NOS1: variants seen among roughly 807,000 people sequenced by gnomAD.
NOS1 encodes nitric oxide synthase 1.
Under a neutral mutation model 164.5 loss-of-function variants are expected in NOS1, and 51 were observed. That is an observed-to-expected ratio of 0.31 (90% CI 0.25 to 0.39). NOS1 has a LOEUF of 0.39. NOS1 is among the 10% of genes least tolerant of loss of function. The pLI is 1.00. For synonymous variants in NOS1, 719 were observed against 745.8 expected (o/e 0.96, Z 0.59); for missense variants, 1,362 against 1,885.6 (o/e 0.72, Z 5.14).
chr12:117,355,189 C>A (rs1002467320), intron 1 of NOS1, among the ~76,000 whole-genome samples: 1 of 152,190 alleles, frequency 6.6e-6, no homozygotes, highest in Admixed American at 6.5e-5. Context: ...AAAGGCTCAT[C>A]ATTCCCAGGA....
intron 20 of NOS1, among the ~76,000 whole-genome samples, chr12:117,237,373 C>T (rs1869797688): frequency 8.8e-6 from 1 of 113,098 alleles, no homozygotes; most frequent in Admixed American, 1.0e-4. Context: ...TTCAGATGAT[C>T]CACCGCCTCA....
chr12:117,223,174 C>T (rs796090110), intron 25 of NOS1, among the ~76,000 whole-genome samples: 1 of 152,298 alleles, frequency 6.6e-6, no homozygotes, highest in Non-Finnish European at 1.5e-5. Flanking sequence ...GGAGCCCCCA[C>T]CTGATGCCCA....
intron 1 of NOS1, among the ~76,000 whole-genome samples, chr12:117,354,324 GAGAA>G (rs775692365): frequency 5.9e-5 from 9 of 152,278 alleles, no homozygotes; most frequent in African/African-American, 9.6e-5. Context: ...CATGCTTTGG[GAGAA>G]AGAAAGAGAT....
chr12:117,304,213 G>A (rs1396311784), intron 3 of NOS1, among the ~76,000 whole-genome samples: 1 of 152,016 alleles, frequency 6.6e-6, no homozygotes, highest in African/African-American at 2.4e-5. Flanking sequence ...CTCAGGTGGT[G>A]TTAGCACCAA....
rs1338835516 is a variant in NOS1 at position 117,209,972 on chromosome 12, T to C, written c.*5337A>G. The C allele has an allele frequency of 6.1e-6, 6 of 985,236 alleles. No individual in the cohort carries two copies. The highest frequency in any genetic ancestry group is 7.2e-6 in the Non-Finnish European group (6 of 829,996). 61.0% of individuals were successfully genotyped at this position (985,236 alleles called of 1,614,324 possible). ...TTTCCTTAATCCCAGCACCTGGTCT[T>C]TCATTTTAATTTTTTTTAGAGACAG... On this transcript the variant is annotated 3_prime_UTR_variant, in exon 29 of 29. Coordinates refer to ENST00000317775, the MANE Select transcript of NOS1 (RefSeq NM_000620.5).
chr12:117,257,851 C>T (rs1871586135), intron 16 of NOS1, among the ~76,000 whole-genome samples: 1 of 144,058 alleles, frequency 6.9e-6, no homozygotes, highest in African/African-American at 2.6e-5. Context: ...GTTGCCCAGG[C>T]TGGAGTGCAA....
chr12:117,358,008 G>A (rs970974780), intron 1 of NOS1, among the ~76,000 whole-genome samples: 2 of 152,104 alleles, frequency 1.3e-5, no homozygotes, highest in African/African-American at 4.8e-5. Flanking sequence ...CAGTTCTCAC[G>A]AGCACGGATT....
chr12:117,288,236 T>C lies in NOS1; in HGVS notation c.982-17A>G. Reference sequence around the variant, plus strand: ...TCCCGTTTCCTGGAAGATCAAGAGATTTGGGGTATTGCTTGGTTTTACCCA... The same window carrying C: ...TCCCGTTTCCTGGAAGATCAAGAGACTTGGGGTATTGCTTGGTTTTACCCA... On this transcript the variant is annotated splice_polypyrimidine_tract_variant and intron_variant, in intron 4 of 28. Transcript: ENST00000317775. 1 of 1,605,968 alleles carries C rather than the reference T, an allele frequency of 6.2e-7. No homozygotes were observed. Among genetic ancestry groups the C allele is most frequent in the Non-Finnish European group, 8.5e-7 (1 of 1,176,602 alleles).
intron 27 of NOS1, among the ~76,000 whole-genome samples, chr12:117,219,537 C>T (rs1459497118): frequency 6.6e-6 from 1 of 152,062 alleles, no homozygotes; most frequent in Non-Finnish European, 1.5e-5. Context: ...GAACTCCTGA[C>T]CTTAGGTGAT....
At chr12:117,360,517 C>T (rs565474188) in intron 1 of NOS1, among the ~76,000 whole-genome samples, 1 of 152,244 alleles carries the variant, frequency 6.6e-6, no homozygotes, top group Non-Finnish European at 1.5e-5. Flanking sequence ...GTTTTGGAGA[C>T]GGCGCTCTTA....
chr12:117,316,252 C>T (rs1222634265), intron 2 of NOS1, among the ~76,000 whole-genome samples: 1 of 152,080 alleles, frequency 6.6e-6, no homozygotes, highest in Non-Finnish European at 1.5e-5. Context: ...GGCTGGGGCA[C>T]ACGTGGGGAA....
intron 4 of NOS1, among the ~76,000 whole-genome samples, chr12:117,288,658 A>G (rs1412251518): frequency 6.6e-6 from 1 of 152,166 alleles, no homozygotes; most frequent in African/African-American, 2.4e-5. Context: ...ACAATTCTCC[A>G]TGAAGAAGTG....
chr12:117,337,106 C>CTTTTTTTTTTTTTTTTCT (rs1875862067), intron 1 of NOS1, among the ~76,000 whole-genome samples: 2 of 64,328 alleles, frequency 3.1e-5, no homozygotes, highest in Non-Finnish European at 5.8e-5. Context: ...GCTTTTTACT[C>CTTTTTTTTTTTTTTTTCT]TTTTTTTTTT....
intron 2 of NOS1, among the ~76,000 whole-genome samples, chr12:117,323,692 C>T (rs558727773): frequency 2.0e-4 from 30 of 152,304 alleles, no homozygotes; most frequent in Admixed American, 1.7e-3. Context: ...TCTTCTCTGC[C>T]TCCGACAACT....
intron 20 of NOS1, among the ~76,000 whole-genome samples, chr12:117,241,491 G>A (rs1188893927): frequency 3.3e-5 from 5 of 151,354 alleles, no homozygotes; most frequent in Non-Finnish European, 7.4e-5. Flanking sequence ...TATTGTGGGT[G>A]GCACCTGGGA....
chr12:117,332,980 G>T (rs1239341736), intron 1 of NOS1, among the ~76,000 whole-genome samples: 1 of 152,192 alleles, frequency 6.6e-6, no homozygotes, highest in African/African-American at 2.4e-5. Context: ...AAAGAAATGG[G>T]GTCTGGTTGG....
chr12:117,232,679 T>A (rs967268137), intron 21 of NOS1, among the ~76,000 whole-genome samples: 1 of 152,196 alleles, frequency 6.6e-6, no homozygotes, highest in African/African-American at 2.4e-5. Flanking sequence ...ACACAGCTCA[T>A]AAGCGTGAAG....
chr12:117,219,298 G>T (rs1463097564), intron 27 of NOS1, among the ~76,000 whole-genome samples: 17 of 148,476 alleles, frequency 1.1e-4, no homozygotes, highest in Admixed American at 8.8e-4. Flanking sequence ...GTTTTGTTTT[G>T]TTTTGTTTTT....
intron 3 of NOS1, among the ~76,000 whole-genome samples, chr12:117,303,892 A>G (rs1314629728): frequency 2.0e-5 from 3 of 152,292 alleles, no homozygotes; most frequent in Non-Finnish European, 4.4e-5. Flanking sequence ...GATGATGTCA[A>G]AACTCAACAT....
Sources: gnomAD v4.1 joint callset for allele counts (sites outside exome capture counted in the v4.1 genomes callset) on GRCh38, gnomAD v4.1.1 for gene constraint, MANE v1.5 for transcripts, NCBI Gene and HGNC (gene_info 2026-07-23, HGNC 2026-07-21) for gene names.